Variants in PTPRD observed in about 807,000 individuals in gnomAD.
PTPRD encodes receptor-type tyrosine-protein phosphatase delta.
In PTPRD, 34 loss-of-function variants were observed where a neutral mutation model predicts 214.5. That is an observed-to-expected ratio of 0.16 (90% confidence interval 0.12 to 0.21). The LOEUF (loss-of-function observed/expected upper bound fraction) is 0.21. PTPRD is among the 10% of genes least tolerant of loss of function. PTPRD has a pLI of 1.00. For synonymous variants in PTPRD, 1,128 were observed against 845.7 expected, an observed-to-expected ratio of 1.33 and a Z score of -5.79; for missense variants, 2,545 against 2,398.7, an observed-to-expected ratio of 1.06 and a Z score of -1.27.
At chr9:10,424,759 C>A (rs2098596767) in intron 2 of PTPRD, among the ~76,000 whole-genome samples, 1 of 151,930 alleles carries the variant, frequency 6.6e-6, no homozygotes, top group Non-Finnish European at 1.5e-5. Context: ...CACTGCTATA[C>A]TTCCCTTTAA....
At chr9:8,836,081 G>A (rs986284249) in intron 11 of PTPRD, among the ~76,000 whole-genome samples, 9 of 152,046 alleles carry the variant, frequency 5.9e-5, no homozygotes, top group South Asian at 4.1e-4. Context: ...GAGCAACATC[G>A]TCCGAATGCC....
chr9:10,035,668 G>C (rs2097167521), intron 3 of PTPRD, among the ~76,000 whole-genome samples: 1 of 151,810 alleles, frequency 6.6e-6, no homozygotes, highest in Non-Finnish European at 1.5e-5. Context: ...CCTTCCTTCA[G>C]TCTCACCACC....
At chr9:8,667,405 C>T (rs1412565201) in intron 12 of PTPRD, among the ~76,000 whole-genome samples, 2 of 152,194 alleles carry the variant, frequency 1.3e-5, no homozygotes, top group South Asian at 2.1e-4. Flanking sequence ...TTAAATCCAA[C>T]CAGTTCAACA....
chr9:8,631,867 T>C (rs1393255503), intron 14 of PTPRD, among the ~76,000 whole-genome samples: 1 of 151,924 alleles, frequency 6.6e-6, no homozygotes. Flanking sequence ...TTTCAGATAC[T>C]TTGTCAACAT....
chr9:8,332,253 T>G (rs1434465344), intron 43 of PTPRD, among the ~76,000 whole-genome samples: 2 of 152,150 alleles, frequency 1.3e-5, no homozygotes, highest in Admixed American at 1.3e-4. Flanking sequence ...GCTTGCGTAT[T>G]TCTACCGTTG....
At chr9:9,705,191 T>C (rs953529323) in intron 7 of PTPRD, among the ~76,000 whole-genome samples, 1 of 152,224 alleles carries the variant, frequency 6.6e-6, no homozygotes, top group Non-Finnish European at 1.5e-5. Flanking sequence ...GAATTGCATA[T>C]GACAGATAAT....
chr9:8,823,992 G>T (rs1184638754), intron 11 of PTPRD, among the ~76,000 whole-genome samples: 1 of 152,194 alleles, frequency 6.6e-6, no homozygotes, highest in African/African-American at 2.4e-5. Flanking sequence ...GTAACTTCCT[G>T]ATGTTGCCAT....
intron 22 of PTPRD, among the ~76,000 whole-genome samples, chr9:8,506,018 A>G (rs2097536969): frequency 6.6e-6 from 1 of 152,228 alleles, no homozygotes; most frequent in South Asian, 2.1e-4. Flanking sequence ...TGCTTGATTT[A>G]TATTGGCTTT....
chr9:9,016,641 G>T (rs1361765691), intron 11 of PTPRD, among the ~76,000 whole-genome samples: 1 of 152,048 alleles, frequency 6.6e-6, no homozygotes, highest in African/African-American at 2.4e-5. Flanking sequence ...CTTCTTAAAT[G>T]GTCGTTTGAC....
At chr9:9,652,349 C>A (rs970751570) in intron 7 of PTPRD, among the ~76,000 whole-genome samples, 3 of 152,152 alleles carry the variant, frequency 2.0e-5, no homozygotes, top group African/African-American at 7.2e-5. Context: ...TGAAACTTAT[C>A]ATTGGCATTA....
At chr9:8,984,299 T>C (rs1337259910) in intron 11 of PTPRD, among the ~76,000 whole-genome samples, 1 of 152,068 alleles carries the variant, frequency 6.6e-6, no homozygotes, top group East Asian at 1.9e-4. Context: ...ACCTGGATCA[T>C]AAAATGTGCC....
At chr9:9,954,204 G>A (rs2093694622) in intron 4 of PTPRD, among the ~76,000 whole-genome samples, 1 of 145,684 alleles carries the variant, frequency 6.9e-6, no homozygotes, top group Non-Finnish European at 1.5e-5. Flanking sequence ...GCTGAGGGAT[G>A]AGAATCGCTT....
intron 11 of PTPRD, among the ~76,000 whole-genome samples, chr9:8,892,691 A>G (rs111489970): frequency 2.1e-4 from 5 of 23,820 alleles, no homozygotes; most frequent in Non-Finnish European, 3.4e-4. Flanking sequence ...ATATGAGTGT[A>G]TATATATATA....
chr9:8,505,707 G>A (rs375704878), intron 22 of PTPRD, among the ~76,000 whole-genome samples: 1 of 151,114 alleles, frequency 6.6e-6, no homozygotes, highest in East Asian at 1.9e-4. Flanking sequence ...AGGGTGTTCT[G>A]ACTTACAAAT....
At position 9,735,469 on chromosome 9, in the gene PTPRD, G is replaced by A. The variant is rs149137248; in HGVS notation, c.-325-898C>T. On this transcript the variant is annotated intron_variant, in intron 6 of 45. Transcript: ENST00000381196. ...GAACACGGTAAGTGTGAAAGGAGTT[G>A]ACACTATTGTGTAAGGTTTTATATG... 6.3e-4 allele frequency among the ~76,000 whole-genome samples: 96 copies of A among 152,224 alleles called. 1 individual carries two copies. The South Asian group carries it at 0.014, about 22-fold the overall frequency.
intron 8 of PTPRD, among the ~76,000 whole-genome samples, chr9:9,550,415 T>C (rs968390477): frequency 1.4e-5 from 2 of 145,278 alleles, no homozygotes; most frequent in African/African-American, 4.9e-5. Context: ...TATAATTTTA[T>C]ATATAAAATT....
intron 2 of PTPRD, among the ~76,000 whole-genome samples, chr9:10,443,110 G>A (rs2098772298): frequency 6.6e-6 from 1 of 150,916 alleles, no homozygotes; most frequent in African/African-American, 2.4e-5. Flanking sequence ...AAAAGGCCTG[G>A]ATGGTGTTTG....
chr9:9,015,562 A>G (rs1305310373), intron 11 of PTPRD, among the ~76,000 whole-genome samples: 4 of 152,166 alleles, frequency 2.6e-5, no homozygotes, highest in Non-Finnish European at 5.9e-5. Context: ...TGCTCTGTCT[A>G]TGGAGTAGCC....
At chr9:10,552,570 C>T (rs1474460979) in intron 2 of PTPRD, among the ~76,000 whole-genome samples, 1 of 152,098 alleles carries the variant, frequency 6.6e-6, no homozygotes, top group Non-Finnish European at 1.5e-5. Context: ...TCCCATAATG[C>T]ATCACATTTA....
Sources: allele counts gnomAD v4.1 joint callset (sites outside exome capture counted in the v4.1 genomes callset), GRCh38; gene constraint gnomAD v4.1.1; transcripts MANE v1.5; gene names NCBI Gene and HGNC (gene_info 2026-07-23, HGNC 2026-07-21).